Variants in FBXO36 observed in about 807,000 individuals in gnomAD.
The protein encoded by FBXO36 is F-box only protein 36.
Under a neutral mutation model 17.0 loss-of-function variants are expected in FBXO36, and 18 were observed. That is an observed-to-expected ratio of 1.06 (90% CI 0.73 to 1.57). The LOEUF is 1.57. FBXO36 is among the 40% of genes most tolerant of loss of function. The probability of loss-of-function intolerance (pLI) is 0.00; values close to 1 mark genes in which losing one functional copy is unlikely to be tolerated. For synonymous variants in FBXO36, 83 were observed against 85.3 expected, an observed-to-expected ratio of 0.97 and a Z score of 0.15; for missense variants, 229 against 221.9, an observed-to-expected ratio of 1.03 and a Z score of -0.20.
Position 230,010,845 on chromosome 2 carries a change from G to A in FBXO36, c.528G>A (p.Arg176=). 4.3e-6 allele frequency: 7 copies of A among 1,613,168 alleles called. No homozygotes were observed. Among genetic ancestry groups the A allele is most frequent in the Non-Finnish European group, 5.9e-6 (7 of 1,179,426 alleles). The change falls in exon 4 of 4, where the codon AGG becomes AGA. Residue 176 remains arginine, a synonymous_variant. Coordinates refer to ENST00000283946, the MANE Select transcript of FBXO36 (RefSeq NM_174899.5). ...AGCTCCAGCGGCAGCTCCGCAAGAG[G>A]AAACAAAAATATGGAAACCTGAGAG... is the stretch of plus-strand genomic sequence containing the variant. ...KLQLQRQLRK[R]KQKYGNLREK...
At chr2:229,983,667 C>T (rs1472836197) in intron 2 of FBXO36, among the ~76,000 whole-genome samples, 1 of 152,170 alleles carries the variant, frequency 6.6e-6, no homozygotes, top group African/African-American at 2.4e-5. Flanking sequence ...TTACTCTTAA[C>T]ACTACCAAGT....
chr2:229,937,057 CCT>C lies in FBXO36; in HGVS notation c.96+14449_96+14450del, dbSNP rs1560431630. On this transcript the variant is annotated intron_variant, in intron 1 of 3. Coordinates refer to ENST00000283946, the MANE Select transcript of FBXO36 (RefSeq NM_174899.5). ...CAAACCTCACCACCTCTAAAACGCC[CCT>C]GACTATAGGTCATATCATTATTTTA... is the stretch of plus-strand genomic sequence containing the variant. Among the ~76,000 whole-genome samples the C allele has an allele frequency of 3.9e-5, 6 of 152,188 alleles. No homozygotes were observed. The South Asian group carries it at 1.0e-3, about 26-fold the overall frequency.
intron 1 of FBXO36, among the ~76,000 whole-genome samples, chr2:229,946,260 T>A (rs1215540382): frequency 6.6e-6 from 1 of 152,170 alleles, no homozygotes; most frequent in East Asian, 1.9e-4. Flanking sequence ...GCAGCATAGT[T>A]TATGCTCGTC....
At chr2:230,001,851 T>C (rs1204733165) in intron 3 of FBXO36, among the ~76,000 whole-genome samples, 1 of 152,140 alleles carries the variant, frequency 6.6e-6, no homozygotes, top group Non-Finnish European at 1.5e-5. Flanking sequence ...ACAAAGTCAC[T>C]CCATCACCCA....
rs116163956 is a variant in FBXO36 at position 229,981,271 on chromosome 2, T to C, written c.205+4922T>C. ...TGGGAGGCTGAAGTGAGAGGATCAC[T>C]AGAGGCCAGAAGTTTGAGACCAGCC... On this transcript the variant is annotated intron_variant, in intron 2 of 3. Transcript: ENST00000283946. 9.7e-3 allele frequency among the ~76,000 whole-genome samples: 1,476 copies of C among 152,162 alleles called. 27 individuals are homozygous for C. Among genetic ancestry groups the C allele is most frequent in the African/African-American group, 0.034 (1,412 of 41,496 alleles).
intron 1 of FBXO36, among the ~76,000 whole-genome samples, chr2:229,969,132 ATGAAT>A (rs2077168222): frequency 6.6e-6 from 1 of 152,272 alleles, no homozygotes; most frequent in Non-Finnish European, 1.5e-5. Flanking sequence ...GTCTATAATC[ATGAAT>A]TGAATATATT....
intron 1 of FBXO36, among the ~76,000 whole-genome samples, chr2:229,953,268 G>A (rs941076245): frequency 7.2e-5 from 11 of 152,168 alleles, no homozygotes; most frequent in Non-Finnish European, 1.5e-5. Flanking sequence ...GAACCCGGGA[G>A]GCGGAGGTTG....
At chr2:229,933,999 AAAT>A (rs2076951923) in intron 1 of FBXO36, among the ~76,000 whole-genome samples, 1 of 152,094 alleles carries the variant, frequency 6.6e-6, no homozygotes, top group Non-Finnish European at 1.5e-5. Context: ...CTTTAAAAAA[AAAT>A]ACACAAACAT....
At chr2:229,930,132 G>A (rs555726267) in intron 1 of FBXO36, among the ~76,000 whole-genome samples, 58 of 152,258 alleles carry the variant, frequency 3.8e-4, no homozygotes, top group African/African-American at 7.2e-4. Flanking sequence ...AAGATCACTC[G>A]AGGCCAGGAA....
intron 1 of FBXO36, among the ~76,000 whole-genome samples, chr2:229,970,144 C>T (rs2077173532): frequency 6.6e-6 from 1 of 152,114 alleles, no homozygotes; most frequent in African/African-American, 2.4e-5. Flanking sequence ...CCATATGGCC[C>T]AGCAATTGCA....
chr2:229,994,387 T>C (rs2077314213), intron 2 of FBXO36, among the ~76,000 whole-genome samples: 1 of 152,192 alleles, frequency 6.6e-6, no homozygotes, highest in Non-Finnish European at 1.5e-5. Flanking sequence ...CTATTTTCTA[T>C]TTCTGTATTA....
chr2:229,977,741 C>T (rs1259803461), intron 2 of FBXO36, among the ~76,000 whole-genome samples: 1 of 152,152 alleles, frequency 6.6e-6, no homozygotes, highest in Non-Finnish European at 1.5e-5. Context: ...TGAGCCACTG[C>T]ACCCGGCCAG....
Position 229,956,104 on chromosome 2 carries a change from A to G in FBXO36, c.97-20137A>G, listed in dbSNP as rs115070259. On this transcript the variant is annotated intron_variant, in intron 1 of 3. Transcript: ENST00000283946. ...CTCAGTAAAATCTATTCTTACAATT[A>G]TCATTTTGGGAGCTGTATTAGTTTT... Among the ~76,000 whole-genome samples the G allele has an allele frequency of 6.2e-3, 947 of 152,326 alleles. 10 individuals carry two copies. The highest frequency in any genetic ancestry group is 0.021 in the African/African-American group (873 of 41,576).
At chr2:229,940,089 A>G (rs926012819) in intron 1 of FBXO36, among the ~76,000 whole-genome samples, 2 of 151,868 alleles carry the variant, frequency 1.3e-5, no homozygotes, top group African/African-American at 4.8e-5. Context: ...TCAAAAAAAT[A>G]TAAAAAAAAA....
In FBXO36 at chr2:229,983,053, G is replaced by A. The variant is rs533259915; in HGVS notation, c.205+6704G>A. Among the ~76,000 whole-genome samples the A allele has an allele frequency of 5.3e-5, 8 of 151,950 alleles. No homozygotes were observed. In the South Asian group the frequency reaches 1.7e-3, roughly 32 times the overall value. On this transcript the variant is annotated intron_variant, in intron 2 of 3. Coordinates refer to ENST00000283946, the MANE Select transcript of FBXO36 (RefSeq NM_174899.5). ...GCTGGAGTGCAGTAGTGCAATCACAGCTCACTGCAGCCTCCATCTCCTGGG... is the reference window on the plus strand; with the variant it reads ...GCTGGAGTGCAGTAGTGCAATCACAACTCACTGCAGCCTCCATCTCCTGGG...
At chr2:229,988,678 G>T (rs952315396) in intron 2 of FBXO36, among the ~76,000 whole-genome samples, 1 of 152,012 alleles carries the variant, frequency 6.6e-6, no homozygotes, top group Non-Finnish European at 1.5e-5. Flanking sequence ...GGGATTACAG[G>T]CATGCATCAC....
intron 3 of FBXO36, among the ~76,000 whole-genome samples, chr2:230,006,562 C>T (rs1197054888): frequency 1.3e-5 from 2 of 152,148 alleles, no homozygotes; most frequent in Non-Finnish European, 2.9e-5. Context: ...TGCTGTGGGC[C>T]GGACACAGTG....
rs546279804 is a variant in FBXO36, at chr2:230,006,943, A to T, written c.379-3753A>T. On this transcript the variant is annotated intron_variant, in intron 3 of 3. Transcript: ENST00000283946. ...CAGTTGAGGATGGAAGTATCCAGTT[A>T]TACTTAATGCCACCAGCAATCAGGA... 3.3e-5 allele frequency among the ~76,000 whole-genome samples: 5 copies of T among 152,350 alleles called. No individual in the cohort carries two copies. In the South Asian group the frequency reaches 8.3e-4, roughly 25 times the overall value.
At chr2:229,958,437 AT>A (rs1432417877) in intron 1 of FBXO36, among the ~76,000 whole-genome samples, 8 of 151,780 alleles carry the variant, frequency 5.3e-5, no homozygotes, top group African/African-American at 1.7e-4. Context: ...CGCCCGGCTA[AT>A]TTTTGTATTT....
Sources: allele counts gnomAD v4.1 joint callset (sites outside exome capture counted in the v4.1 genomes callset), GRCh38; gene constraint gnomAD v4.1.1; transcripts MANE v1.5; gene names NCBI Gene and HGNC (gene_info 2026-07-23, HGNC 2026-07-21).